RPL11: variants seen among roughly 807,000 people sequenced by gnomAD.
RPL11 encodes the protein large ribosomal subunit protein uL5.
RPL11 carries 3 observed loss-of-function variants against 24.1 expected under a neutral mutation model. The observed-to-expected ratio is 0.12, with a 90% confidence interval of 0.06 to 0.32. RPL11 has a LOEUF of 0.32. RPL11 is among the 10% of genes least tolerant of loss of function. The pLI, the probability that RPL11 is intolerant of heterozygous loss-of-function variation, is 1.00. For missense variants in RPL11, 146 were observed against 225.7 expected (o/e 0.65, Z 2.26); for synonymous variants, 96 against 75.7 (o/e 1.27, Z -1.39).
rs766788540 is a variant in RPL11, at chr1:23,693,797, CT to C, written c.158-8del. On this transcript the variant is annotated splice_polypyrimidine_tract_variant and intron_variant, in intron 2 of 5. Transcript: ENST00000643754. Reference sequence around the variant, plus strand: ...ATGGCATCTGACTCCTTGTTACCCACTTCCTGCAGCTAGATACACTGTCAGA... The same window carrying C: ...ATGGCATCTGACTCCTTGTTACCCACTCCTGCAGCTAGATACACTGTCAGA... The C allele has an allele frequency of 2.5e-6, 4 of 1,609,630 alleles. No homozygotes were observed. Among genetic ancestry groups the C allele is most frequent in the Non-Finnish European group, 3.4e-6 (4 of 1,176,038 alleles).
At chr1:23,695,764 C>CT in intron 4 of RPL11, 34 bp from the exon 5 acceptor site, 1 of 1,547,394 alleles carries the variant, frequency 6.5e-7, no homozygotes, top group South Asian at 1.2e-5. Flanking sequence ...TGACTCTGAG[C>CT]TGGCTAGGTG....
At position 23,693,868 on chromosome 1, in the gene RPL11, A is replaced by G. The variant is rs758505663; in HGVS notation, c.219A>G (p.Thr73=). 3.1e-6 allele frequency: 5 copies of G among 1,614,164 alleles called. No homozygotes were observed. The highest frequency in any genetic ancestry group is 4.2e-6 in the Non-Finnish European group (5 of 1,180,010). The part of the protein sequence containing the change: ...RRNEKIAVHC[T]VRGAKAEEIL... The stretch of plus-strand genomic sequence containing the variant: ...ATGAAAAGATTGCTGTCCACTGCAC[A>G]GTTCGAGGGGCCAAGGCAGAAGAAA... The change falls in exon 3 of 6, where the codon ACA becomes ACG. Residue 73 remains threonine (T), a synonymous_variant. Coordinates refer to ENST00000643754, the MANE Select transcript of RPL11 (RefSeq NM_000975.5).
chr1:23,692,147 G>A (rs1252856909), intron 1 of RPL11: 2 of 532,890 alleles, frequency 3.8e-6, no homozygotes, highest in Non-Finnish European at 6.7e-6. Flanking sequence ...CCGGGGACTT[G>A]AGACTTGCTC....
rs2280437 is a variant in RPL11 at position 23,695,947 on chromosome 1, A to G, written c.507+39A>G. 0.39 allele frequency: 606,423 copies of G among 1,535,676 alleles called. 123,440 individuals are homozygous for G. The highest frequency in any genetic ancestry group is 0.57 in the East Asian group (23,600 of 41,172). On this transcript the variant is annotated intron_variant, in intron 5 of 5. Transcript: ENST00000643754. ...ATCTCAAGTGAAGTGGTGGAATGTG[A>G]TGTTGGTGAATGGAGTTGGGATTTG... is the stretch of plus-strand genomic sequence containing the variant.
intron 1 of RPL11, 114 bp from the exon 2 acceptor site, chr1:23,692,495 G>A: frequency 3.0e-6 from 4 of 1,352,254 alleles, no homozygotes; most frequent in Non-Finnish European, 4.2e-6. Flanking sequence ...AAACATTCAG[G>A]GTCTTCGTTA....
At chr1:23,694,950 A>G (rs1004702739) in intron 4 of RPL11, 159 bp downstream of exon 4, 53 of 1,120,890 alleles carry the variant, frequency 4.7e-5, no homozygotes, top group Non-Finnish European at 6.6e-5. Flanking sequence ...CATTTGTGGC[A>G]AATGTAGGGG....
Position 23,695,905 on chromosome 1 carries a change from G to A in RPL11, c.504G>A (p.Gln168=), listed in dbSNP as rs1644530290. ...AGGAGGCCATGCGCTGGTTCCAGCA[G>A]AAGGTAAAGCTGATTTATCTCAAGT... is the stretch of plus-strand genomic sequence containing the variant. ...SKEEAMRWFQ[Q]KYDGIILPGK is the part of the protein sequence containing the mutation. The change falls in exon 5 of 6, where the codon CAG becomes CAA. Residue 168 remains glutamine, a synonymous_variant. Transcript: ENST00000643754. 3.8e-6 allele frequency: 6 copies of A among 1,574,606 alleles called. No homozygotes were observed. Among genetic ancestry groups the A allele is most frequent in the Admixed American group, 1.9e-5 (1 of 53,584 alleles).
At chr1:23,692,136 C>T (rs1275801305) in intron 1 of RPL11, 4 of 543,266 alleles carry the variant, frequency 7.4e-6, no homozygotes, top group Admixed American at 3.2e-5. Context: ...TTTTCCTGGT[C>T]CCGGGGACTT....
chr1:23,696,263 G>A (rs1644532268), intron 5 of RPL11, 81 bp from the exon 6 acceptor site: 2 of 1,303,580 alleles, frequency 1.5e-6, no homozygotes, highest in Non-Finnish European at 2.2e-6. Context: ...TCAATCAGAT[G>A]TGAATTCTCA....
chr1:23,695,577 G>C (rs1644528319), intron 4 of RPL11: 2 of 588,926 alleles, frequency 3.4e-6, no homozygotes. Context: ...GCTGGGTTAG[G>C]GGGGTGCTGA....
chr1:23,693,328 T>A (rs1433747888), intron 2 of RPL11, among the ~76,000 whole-genome samples: 2 of 152,194 alleles, frequency 1.3e-5, no homozygotes, highest in African/African-American at 4.8e-5. Flanking sequence ...TGTAGTTGCT[T>A]TAGGACAGTG....
In RPL11 at chr1:23,695,798, G is replaced by T. The variant is rs1644529657; in HGVS notation, c.397G>T (p.Val133Leu). The T allele has an allele frequency of 6.3e-7, 1 of 1,584,428 alleles. No individual in the cohort carries two copies. The highest frequency in any genetic ancestry group is 8.6e-7 in the Non-Finnish European group (1 of 1,165,468). The part of the protein sequence containing the change: ...IGIYGLDFYV[V>L]LGRPGFSIAD... ...TGACTGTTGGTTATTCCTGGGACAG[G>T]TGCTGGGTAGGCCAGGTTTCAGCAT... The change falls in exon 5 of 6, where the codon GTG becomes TTG. Residue 133 changes from valine to leucine, a missense_variant and splice_region_variant. Val to Leu is a conservative substitution (Grantham distance 32). Transcript: ENST00000643754.
intron 2 of RPL11, 97 bp downstream of exon 2, chr1:23,692,856 G>A: frequency 6.6e-7 from 1 of 1,517,426 alleles, no homozygotes. Context: ...AGTGACAGTC[G>A]GCATCACTTA....
intron 2 of RPL11, 136 bp downstream of exon 2, chr1:23,692,895 G>GGTGTCT (rs1644510186): frequency 9.7e-7 from 1 of 1,026,230 alleles, no homozygotes; most frequent in Non-Finnish European, 1.4e-6. Flanking sequence ...CCGGCCAAGA[G>GGTGTCT]GTGTCTTTTT....
chr1:23,694,560 C>G, intron 3 of RPL11, 100 bp from the exon 4 acceptor site: 1 of 1,524,722 alleles, frequency 6.6e-7, no homozygotes, highest in Non-Finnish European at 9.1e-7. Context: ...CTTCTGTTTG[C>G]TCTGGGGTGC....
intron 4 of RPL11, 74 bp from the exon 5 acceptor site, chr1:23,695,724 T>C (rs1570568972): frequency 7.5e-7 from 1 of 1,324,782 alleles, no homozygotes; most frequent in Non-Finnish European, 1.1e-6. Flanking sequence ...AAGATCTGTC[T>C]GTAATGTGTG....
At chr1:23,695,060 T>C in intron 4 of RPL11, 1 of 493,526 alleles carries the variant, frequency 2.0e-6, no homozygotes, top group South Asian at 2.0e-5. Flanking sequence ...TGAAGGAAAC[T>C]GTTCCCTCCA....
intron 4 of RPL11, 166 bp from the exon 5 acceptor site, chr1:23,695,623 TGTGTGTTGC>T (rs1420708416): frequency 7.4e-6 from 5 of 673,488 alleles, no homozygotes; most frequent in African/African-American, 1.8e-5. Flanking sequence ...ACAGTATGGC[TGTGTGTTGC>T]GTGGGATGCT....
Position 23,695,744 on chromosome 1 carries a change from C to T in RPL11, c.397-54C>T, listed in dbSNP as rs1644529385. The T allele has an allele frequency of 7.5e-6, 11 of 1,467,140 alleles. No homozygotes were observed. In the South Asian group the frequency reaches 9.7e-5, roughly 13 times the overall value. The allele number at this position is 1,467,140 out of a possible 1,614,324, so 90.9% of individuals were successfully genotyped here. A position where few individuals can be genotyped will look rare whatever the true frequency, so the allele number is the denominator to read the frequency against. ...CTGTCTGTAATGTGTGAGTCTTGTC[C>T]ATCTGCTCTTGACTCTGAGCTGGCT... is the stretch of plus-strand genomic sequence containing the variant. On this transcript the variant is annotated intron_variant, in intron 4 of 5. Coordinates refer to ENST00000643754, the MANE Select transcript of RPL11 (RefSeq NM_000975.5).
Sources: allele counts gnomAD v4.1 joint callset (sites outside exome capture counted in the v4.1 genomes callset), GRCh38; gene constraint gnomAD v4.1.1; transcripts MANE v1.5; gene names NCBI Gene and HGNC (gene_info 2026-07-23, HGNC 2026-07-21).